AXIN2: variants seen among roughly 807,000 people sequenced by gnomAD.
The protein encoded by AXIN2 is axin-2.
In AXIN2, 21 loss-of-function variants were observed where a neutral mutation model predicts 74.7. That is an observed-to-expected ratio of 0.28 (90% CI 0.20 to 0.40). The LOEUF (loss-of-function observed/expected upper bound fraction) is 0.40. AXIN2 is among the 10% of genes least tolerant of loss of function. AXIN2 has a pLI of 1.00. For missense variants in AXIN2, 1,144 were observed against 1,111.1 expected, an observed-to-expected ratio of 1.03 and a Z score of -0.42; for synonymous variants, 532 against 454.9, an observed-to-expected ratio of 1.17 and a Z score of -2.16.
In AXIN2 at chr17:65,541,576, C is replaced by T; in HGVS notation, c.957-19G>A. The T allele has an allele frequency of 4.4e-6, 7 of 1,593,952 alleles. No individual in the cohort carries two copies. Among genetic ancestry groups the T allele is most frequent in the Non-Finnish European group, 6.0e-6 (7 of 1,161,598 alleles). On this transcript the variant is annotated intron_variant, in intron 3 of 10. Coordinates refer to ENST00000307078, the MANE Select transcript of AXIN2 (RefSeq NM_004655.4). ...TCCATCTCTAAGGGAAAGGAAAAGA[C>T]AGAATCCACAGGCTTACGAGGATGT... is the stretch of plus-strand genomic sequence containing the variant.
chr17:65,544,793 C>A (rs1037844409), intron 3 of AXIN2, among the ~76,000 whole-genome samples: 3 of 152,090 alleles, frequency 2.0e-5, no homozygotes, highest in Non-Finnish European at 4.4e-5. Context: ...CCATTTGAGC[C>A]GAGCCAATTA....
chr17:65,530,513 A>T (rs1170899474), intron 10 of AXIN2, among the ~76,000 whole-genome samples: 1 of 152,226 alleles, frequency 6.6e-6, no homozygotes, highest in Non-Finnish European at 1.5e-5. Context: ...TCCTTCAAAG[A>T]GACTCCAGAC....
rs146769008 is a variant in AXIN2 at position 65,537,481 on chromosome 17, T to C, written c.1555A>G (p.Ile519Val). ...GTCTTGGGGACGGCATGGTGGTGGA[T>C]GTAGTGGTGGTGGACATGCTTCGTC... is the stretch of plus-strand genomic sequence containing the variant. ...QTTKHVHHHY[I>V]HHHAVPKTKE... Residue 519 changes from isoleucine (I) to valine (V), a missense_variant, in exon 6 of 11, where the codon ATC (isoleucine) becomes GTC (valine). Coordinates refer to ENST00000307078, the MANE Select transcript of AXIN2 (RefSeq NM_004655.4). 6.9e-5 allele frequency: 111 copies of C among 1,613,364 alleles called. 1 individual carries two copies. The highest frequency in any genetic ancestry group is 9.3e-5 in the Non-Finnish European group (110 of 1,179,894).
Position 65,558,337 on chromosome 17 carries a change from A to G in AXIN2, c.284T>C (p.Phe95Ser), listed in dbSNP as rs2044304902. The G allele has an allele frequency of 6.2e-7, 1 of 1,614,090 alleles. No homozygotes were observed. The highest frequency in any genetic ancestry group is 1.3e-5 in the African/African-American group (1 of 74,930). Residue 95 changes from phenylalanine to serine, a missense_variant, in exon 2 of 11, where the codon TTC (phenylalanine) becomes TCC (serine). Physicochemically the swap from Phe to Ser is radical, Grantham distance 155 (BLOSUM62 -2). Transcript: ENST00000307078. ...TTTCTCCCTCTCCAGGAAAGTTCGG[A>G]ACAGGTAAGCACCGTCTTGATCGCC... ...LLGDQDGAYL[F>S]RTFLEREKCV...
chr17:65,541,955 T>C (rs964805363), intron 3 of AXIN2, among the ~76,000 whole-genome samples: 1 of 152,208 alleles, frequency 6.6e-6, no homozygotes, highest in African/African-American at 2.4e-5. Context: ...TTCCCACTGC[T>C]TCAAACCAGG....
At chr17:65,555,146 G>C (rs909835722) in intron 2 of AXIN2, among the ~76,000 whole-genome samples, 1 of 152,152 alleles carries the variant, frequency 6.6e-6, no homozygotes, top group African/African-American at 2.4e-5. Context: ...GCTCCTTTGA[G>C]TGCCCGAGGT....
At chr17:65,546,761 C>G (rs1226491748) in intron 3 of AXIN2, among the ~76,000 whole-genome samples, 2 of 152,192 alleles carry the variant, frequency 1.3e-5, no homozygotes, top group African/African-American at 4.8e-5. Flanking sequence ...ACAGAGCCAA[C>G]ACCATGAGCC....
rs181779254 is a variant in AXIN2, at chr17:65,529,345, A to G, written c.*631T>C. On this transcript the variant is annotated 3_prime_UTR_variant, in exon 11 of 11. Transcript: ENST00000307078. ...TTAAGACAAAACAGAGCAGCATAGG[A>G]AAAAAAAAAACAAAACGCACCAATT... is the stretch of plus-strand genomic sequence containing the variant. 2.5e-4 allele frequency: 53 copies of G among 208,476 alleles called. No individual in the cohort carries two copies. The highest frequency in any genetic ancestry group is 1.5e-3 in the Admixed American group (26 of 17,240). 12.9% of individuals were successfully genotyped at this position (208,476 alleles called of 1,614,324 possible).
intron 8 of AXIN2, among the ~76,000 whole-genome samples, 188 bp downstream of exon 8, chr17:65,536,132 G>A (rs2043909857): frequency 6.6e-6 from 1 of 152,224 alleles, no homozygotes; most frequent in Non-Finnish European, 1.5e-5. Context: ...CTAGTAGAAT[G>A]AACATAACTG....
intron 4 of AXIN2, among the ~76,000 whole-genome samples, chr17:65,540,877 C>T (rs2044030813): frequency 2.0e-5 from 2 of 101,676 alleles, no homozygotes; most frequent in Admixed American, 9.8e-5. Context: ...CCAAATAAAC[C>T]TCTTTTCTTT....
intron 3 of AXIN2, 75 bp from the exon 4 acceptor site, chr17:65,541,632 T>G: frequency 1.6e-6 from 2 of 1,267,496 alleles, no homozygotes; most frequent in Non-Finnish European, 2.3e-6. Context: ...TACTGTCATA[T>G]GCCATCTTGA....
In AXIN2 at chr17:65,546,449, A is replaced by T. The variant is rs79488504; in HGVS notation, c.956+3071T>A. Reference sequence around the variant, plus strand: ...CACACCCAGGGCCAGTCGGCCAGAGAACACATTGCATCGCCAAGTCTGCTT... The same window carrying T: ...CACACCCAGGGCCAGTCGGCCAGAGTACACATTGCATCGCCAAGTCTGCTT... On this transcript the variant is annotated intron_variant, in intron 3 of 10. Transcript: ENST00000307078. 9.2e-5 allele frequency among the ~76,000 whole-genome samples: 14 copies of T among 152,218 alleles called. No homozygotes were observed. The East Asian group carries it at 2.7e-3, about 30-fold the overall frequency.
intron 2 of AXIN2, among the ~76,000 whole-genome samples, chr17:65,553,031 AAAAAAC>A (rs148009687): frequency 2.0e-5 from 3 of 152,300 alleles, no homozygotes; most frequent in African/African-American, 4.8e-5. Flanking sequence ...TCCATCTCAA[AAAAAAC>A]AAAAACAAAA....
In AXIN2 at chr17:65,537,644, G is replaced by T. The variant is rs1425878510; in HGVS notation, c.1392C>A (p.Ser464=). The T allele has an allele frequency of 6.3e-7, 1 of 1,579,076 alleles. No homozygotes were observed. The highest frequency in any genetic ancestry group is 1.1e-5 in the South Asian group (1 of 88,572). The stretch of plus-strand genomic sequence containing the variant: ...GGTGGTGGTGGTGGTCCGGGGAGCG[G>T]GAGCGGGGGCTATAGCGGCCTACGC... ...SPGVGRYSPR[S]RSPDHHHHHH... is the part of the protein sequence containing the mutation. Residue 464 remains serine (S), a synonymous_variant, in exon 6 of 11, where the codon TCC becomes TCA. Coordinates refer to ENST00000307078, the MANE Select transcript of AXIN2 (RefSeq NM_004655.4).
intron 10 of AXIN2, among the ~76,000 whole-genome samples, chr17:65,531,878 GTCCCCCCCACC>G (rs2043825565): frequency 6.6e-6 from 1 of 152,084 alleles, no homozygotes; most frequent in African/African-American, 2.4e-5. Flanking sequence ...CGCATCCCAG[GTCCCCCCCACC>G]TCCCACCCCT....
In AXIN2 at chr17:65,549,638, C is replaced by T. The variant is rs1214147932; in HGVS notation, c.838G>A (p.Val280Ile). ...CCAGAACCTATGTGATAAGGATTAA[C>T]AGGATCGCTCCTCTTGAAGGACCTA... is the stretch of plus-strand genomic sequence containing the variant. ...GYRSFKRSDP[V>I]NPYHIGSGYV... is the part of the protein sequence containing the mutation. Residue 280 changes from valine (V) to isoleucine (I), a missense_variant, in exon 3 of 11, where the codon GTT becomes ATT. Coordinates refer to ENST00000307078, the MANE Select transcript of AXIN2 (RefSeq NM_004655.4). 1 of 1,602,624 alleles carries T rather than the reference C, an allele frequency of 6.2e-7. No individual in the cohort carries two copies. Among genetic ancestry groups the T allele is most frequent in the South Asian group, 1.1e-5 (1 of 88,780 alleles).
intron 1 of AXIN2, 56 bp from the exon 2 acceptor site, chr17:65,558,792 C>A: frequency 4.4e-6 from 3 of 684,134 alleles, no homozygotes; most frequent in Middle Eastern, 8.0e-4. Flanking sequence ...TTGATCTAAT[C>A]AAAACCAGAT....
chr17:65,555,583 T>C (rs971003266), intron 2 of AXIN2, among the ~76,000 whole-genome samples: 1 of 152,178 alleles, frequency 6.6e-6, no homozygotes, highest in Non-Finnish European at 1.5e-5. Flanking sequence ...TTCAAAACGT[T>C]TCTCTCTACA....
rs776060531 is a variant in AXIN2 at position 65,557,847 on chromosome 17, C to A, written c.774G>T (p.Thr258=). The change falls in exon 2 of 11, where the codon ACG becomes ACT. Residue 258 remains threonine (T), a synonymous_variant. Transcript: ENST00000307078. ...VGLSSKTLRA[T]ASVRSTETVD... ...CAGTTTCCGTGGACCTCACACTCGC[C>A]GTGGCCCTCAGAGTTTTGCTGGACA... is the stretch of plus-strand genomic sequence containing the variant. 4 of 1,614,220 alleles carry A rather than the reference C, an allele frequency of 2.5e-6. No homozygotes were observed. Among genetic ancestry groups the A allele is most frequent in the African/African-American group, 2.7e-5 (2 of 75,058 alleles).
Sources: gnomAD v4.1 joint callset for allele counts (sites outside exome capture counted in the v4.1 genomes callset) on GRCh38, gnomAD v4.1.1 for gene constraint, MANE v1.5 for transcripts, NCBI Gene and HGNC (gene_info 2026-07-23, HGNC 2026-07-21) for gene names.